Variants in LMOD1 observed in about 807,000 individuals in gnomAD.
The protein encoded by LMOD1 is leiomodin 1.
A neutral mutation model predicts 36.5 loss-of-function variants in LMOD1; 8 were observed. That is an observed-to-expected ratio of 0.22 (90% CI 0.13 to 0.40). The LOEUF is 0.40. Among genes scored for constraint, LMOD1 ranks in the 10% least tolerant of loss-of-function variants. LMOD1 has a pLI of 1.00. For synonymous variants in LMOD1, 284 were observed against 288.7 expected (o/e 0.98, Z 0.17); for missense variants, 630 against 751.1 (o/e 0.84, Z 1.88).
chr1:201,915,314 A>C (rs1254827741), intron 1 of LMOD1, among the ~76,000 whole-genome samples: 1 of 151,870 alleles, frequency 6.6e-6, no homozygotes, highest in Non-Finnish European at 1.5e-5. Context: ...CTCTCACCGG[A>C]TTATCTCATC....
At chr1:201,916,447 C>T (rs915416858) in intron 1 of LMOD1, among the ~76,000 whole-genome samples, 2 of 151,846 alleles carry the variant, frequency 1.3e-5, no homozygotes, top group Non-Finnish European at 2.9e-5. Flanking sequence ...CAAGGGAGGT[C>T]GAGGTTGCAG....
At chr1:201,944,736 G>C (rs908029776) in intron 1 of LMOD1, among the ~76,000 whole-genome samples, 2 of 151,776 alleles carry the variant, frequency 1.3e-5, no homozygotes, top group Admixed American at 6.6e-5. Flanking sequence ...GTGGGGCGGG[G>C]GGGGGCGGTA....
At chr1:201,933,211 C>T (rs1011686821) in intron 1 of LMOD1, among the ~76,000 whole-genome samples, 1 of 151,976 alleles carries the variant, frequency 6.6e-6, no homozygotes, top group Non-Finnish European at 1.5e-5. Context: ...GTCAGGAGTT[C>T]AGGACCAGCC....
Position 201,901,502 on chromosome 1 carries a change from C to CAAAAAA in LMOD1, c.262-757_262-752dup, listed in dbSNP as rs533788169. On this transcript the variant is annotated intron_variant, in intron 1 of 2. Coordinates refer to ENST00000367288, the MANE Select transcript of LMOD1 (RefSeq NM_012134.3). ...AAGCAACAAGAGCGAAACTCTGTCT[C>CAAAAAA]AAAAAAAAAATATATATATATATAT... 8.1e-5 allele frequency among the ~76,000 whole-genome samples: 6 copies of CAAAAAA among 73,656 alleles called. 1 individual carries two copies. Among genetic ancestry groups the CAAAAAA allele is most frequent in the African/African-American group, 3.6e-4 (6 of 16,724 alleles). 48.3% of individuals were successfully genotyped at this position (73,656 alleles called of 152,430 possible).
intron 1 of LMOD1, among the ~76,000 whole-genome samples, chr1:201,927,980 G>A (rs1571587993): frequency 6.6e-6 from 1 of 152,276 alleles, no homozygotes; most frequent in South Asian, 2.1e-4. Context: ...TGGGGGCACT[G>A]CTCTCATGAA....
In LMOD1 at chr1:201,899,944, A is replaced by G. The variant is rs1291230921; in HGVS notation, c.1069T>C (p.Phe357Leu). Residue 357 changes from phenylalanine to leucine, a missense_variant, in exon 2 of 3, where the codon TTC (phenylalanine) becomes CTC (leucine). Transcript: ENST00000367288. This position sits in a 1 kb window ranked among gnomAD's most constrained non-coding sequence, Gnocchi z 6.3. ...ILVRFTEALE[F>L]NTVVKLFALA... is the part of the protein sequence containing the mutation. ...GCGAACAGCTTAACCACAGTGTTGA[A>G]CTCCAGAGCCTCAGTAAACCGGACC... is the stretch of plus-strand genomic sequence containing the variant. 1 of 1,613,560 alleles carries G rather than the reference A, an allele frequency of 6.2e-7. No homozygotes were observed. The highest frequency in any genetic ancestry group is 1.3e-5 in the African/African-American group (1 of 74,802).
rs1313340697 is a variant in LMOD1, at chr1:201,896,634, G to A, written c.*1738C>T. On this transcript the variant is annotated 3_prime_UTR_variant, in exon 3 of 3. Transcript: ENST00000367288. ...CAGCAGGCACAGGGGGGTGCAGTGG[G>A]ACTGACAGTGAGGGCTGACAGTGGA... 2.2e-6 allele frequency: 1 copy of A among 456,568 alleles called. No homozygotes were observed. Among genetic ancestry groups the A allele is most frequent in the Non-Finnish European group, 4.4e-6 (1 of 226,956 alleles). The allele number at this position is 456,568 out of a possible 1,614,324, so 28.3% of individuals were successfully genotyped here. A position where few individuals can be genotyped will look rare whatever the true frequency, so the allele number is the denominator to read the frequency against.
At chr1:201,941,744 C>G (rs1211666962) in intron 1 of LMOD1, among the ~76,000 whole-genome samples, 1 of 152,194 alleles carries the variant, frequency 6.6e-6, no homozygotes, top group Non-Finnish European at 1.5e-5. Flanking sequence ...AGGGCTCAGG[C>G]CCAGCAGCCG....
intron 1 of LMOD1, among the ~76,000 whole-genome samples, chr1:201,929,080 CTTTATTTATTTG>C (rs1228368863): frequency 9.0e-4 from 133 of 148,090 alleles, no homozygotes; most frequent in South Asian, 3.6e-3. Flanking sequence ...CATAGGTGGA[CTTTATTTATTTG>C]TTTATTTATT....
At chr1:201,921,852 C>G (rs1031129627) in intron 1 of LMOD1, among the ~76,000 whole-genome samples, 1 of 150,044 alleles carries the variant, frequency 6.7e-6, no homozygotes. Context: ...CCCAGCTGCT[C>G]GGGAGGCTGA....
intron 1 of LMOD1, among the ~76,000 whole-genome samples, chr1:201,921,081 G>T (rs1681695903): frequency 6.6e-6 from 1 of 152,114 alleles, no homozygotes; most frequent in African/African-American, 2.4e-5. Context: ...TGCCTGGTTA[G>T]AGAGTGATGC....
chr1:201,922,226 A>G (rs1282696186), intron 1 of LMOD1, among the ~76,000 whole-genome samples: 1 of 152,176 alleles, frequency 6.6e-6, no homozygotes, highest in Non-Finnish European at 1.5e-5. Flanking sequence ...TGACCCAGCA[A>G]TTGCATGCCT....
chr1:201,898,486 A>G (rs1186555828), intron 2 of LMOD1, 88 bp from the exon 3 acceptor site: 3 of 1,168,192 alleles, frequency 2.6e-6, no homozygotes, highest in Non-Finnish European at 3.7e-6. Flanking sequence ...AGACACTGCA[A>G]TATGTTATGT....
At position 201,935,252 on chromosome 1, in the gene LMOD1, C is replaced by T. The variant is rs185838893; in HGVS notation, c.261+10828G>A. ...TTGATGAGAAATGGAAACTGGCTGACGCATTGGGGGAAAGGGAAGAGTCGG... is the reference window on the plus strand; with the variant it reads ...TTGATGAGAAATGGAAACTGGCTGATGCATTGGGGGAAAGGGAAGAGTCGG... On this transcript the variant is annotated intron_variant, in intron 1 of 2. Transcript: ENST00000367288. Among the ~76,000 whole-genome samples the T allele has an allele frequency of 2.3e-3, 344 of 151,636 alleles. 2 individuals carry two copies. The highest frequency in any genetic ancestry group is 4.7e-3 in the Admixed American group (71 of 15,250).
intron 1 of LMOD1, among the ~76,000 whole-genome samples, chr1:201,935,459 T>A (rs76976181): frequency 0.05 from 7,536 of 152,118 alleles, 386 homozygotes; most frequent in African/African-American, 0.13. Flanking sequence ...CCTTCTCTGC[T>A]GTTTCCCATG....
Position 201,899,041 on chromosome 1 carries a change from T to C in LMOD1, c.1776+196A>G. ...TAAAGGAAGGGTAGAGTCTCAGCTCTAGGGGATATACAGGTGTGACCTGCC... is the reference window on the plus strand; with the variant it reads ...TAAAGGAAGGGTAGAGTCTCAGCTCCAGGGGATATACAGGTGTGACCTGCC... On this transcript the variant is annotated intron_variant, in intron 2 of 2. Coordinates refer to ENST00000367288, the MANE Select transcript of LMOD1 (RefSeq NM_012134.3). This position sits in a 1 kb window ranked among gnomAD's most constrained non-coding sequence, Gnocchi z 6.3. 1.9e-6 allele frequency: 1 copy of C among 532,978 alleles called. No individual in the cohort carries two copies. The highest frequency in any genetic ancestry group is 3.4e-5 in the Admixed American group (1 of 29,836). 33.0% of individuals were successfully genotyped at this position (532,978 alleles called of 1,614,324 possible). A position where few individuals can be genotyped will look rare whatever the true frequency, so the allele number is the denominator to read the frequency against.
chr1:201,913,314 T>C (rs1260631356), intron 1 of LMOD1, among the ~76,000 whole-genome samples: 1 of 152,126 alleles, frequency 6.6e-6, no homozygotes, highest in Non-Finnish European at 1.5e-5. Context: ...ACTCAGAAAG[T>C]GATGTTTCAG....
chr1:201,926,409 C>T (rs528381407), intron 1 of LMOD1, among the ~76,000 whole-genome samples: 33 of 152,168 alleles, frequency 2.2e-4, no homozygotes, highest in South Asian at 1.0e-3. Context: ...TGGGGATGGG[C>T]GCCAAAGGCC....
intron 1 of LMOD1, among the ~76,000 whole-genome samples, chr1:201,911,647 G>A (rs1223813394): frequency 2.6e-5 from 4 of 152,190 alleles, no homozygotes; most frequent in East Asian, 1.9e-4. Flanking sequence ...CCTGGGCGAC[G>A]GAGTGAGACC....
Sources: gnomAD v4.1 joint callset for allele counts (sites outside exome capture counted in the v4.1 genomes callset) on GRCh38, gnomAD v4.1.1 for gene constraint, Gnocchi (gnomAD v3.1) non-coding constraint, MANE v1.5 for transcripts, NCBI Gene and HGNC (gene_info 2026-07-23, HGNC 2026-07-21) for gene names.